RIPOR2: variants seen among roughly 807,000 people sequenced by gnomAD.
The protein encoded by RIPOR2 is RHO family interacting cell polarization regulator 2, also known as rho family-interacting cell polarization regulator 2.
RIPOR2 carries 39 observed loss-of-function variants against 114.5 expected under a neutral mutation model. The observed-to-expected ratio is 0.34, with a 90% confidence interval of 0.26 to 0.44. The LOEUF (loss-of-function observed/expected upper bound fraction) is 0.44. RIPOR2 is among the 20% of genes least tolerant of loss of function. RIPOR2 has a pLI of 1.00. For missense variants in RIPOR2, 1,007 were observed against 1,255.1 expected (o/e 0.80, Z 2.99); for synonymous variants, 445 against 484.4 (o/e 0.92, Z 1.07).
rs34298086 is a variant in RIPOR2 at position 24,843,427 on chromosome 6, G to A, written c.1292C>T (p.Ser431Phe). The stretch of plus-strand genomic sequence containing the variant: ...GGTAATTTCTGGATTTGTTGAGTTG[G>A]AAGGGGAGCCTGTTGAGTGGGAGGT... Reference protein sequence around the residue: ...ALTSHSTGSPSNSTNPEITIT... With the variant: ...ALTSHSTGSPFNSTNPEITIT... Residue 431 changes from serine to phenylalanine, a missense_variant, in exon 13 of 22, where the codon TCC (serine) becomes TTC (phenylalanine). Ser to Phe is a radical substitution (Grantham distance 155). Coordinates refer to ENST00000643898, the MANE Select transcript of RIPOR2 (RefSeq NM_001286445.3). 8 of 1,613,216 alleles carry A rather than the reference G, an allele frequency of 5.0e-6. No individual in the cohort carries two copies. In the African/African-American group the frequency reaches 1.1e-4, roughly 22 times the overall value.
intron 21 of RIPOR2, among the ~76,000 whole-genome samples, chr6:24,808,116 G>A (rs1445694978): frequency 6.6e-6 from 1 of 152,192 alleles, no homozygotes; most frequent in Admixed American, 6.5e-5. Flanking sequence ...TGCAGCCAGT[G>A]TTGAGCACTG....
chr6:24,848,464 G>A (rs576884186), intron 11 of RIPOR2, among the ~76,000 whole-genome samples: 2 of 152,168 alleles, frequency 1.3e-5, no homozygotes, highest in East Asian at 3.9e-4. Flanking sequence ...TGCTTGCTTC[G>A]ACAAAACAAG....
intron 14 of RIPOR2, among the ~76,000 whole-genome samples, chr6:24,837,800 GTT>G (rs745860101): frequency 1.4e-5 from 2 of 146,610 alleles, no homozygotes; most frequent in African/African-American, 2.5e-5. Flanking sequence ...AAGTTCTCAT[GTT>G]TTTTTTTTTC....
chr6:24,892,883 T>A (rs936572517), intron 1 of RIPOR2, among the ~76,000 whole-genome samples: 1 of 152,216 alleles, frequency 6.6e-6, no homozygotes, highest in Non-Finnish European at 1.5e-5. Flanking sequence ...TAATATGTAC[T>A]AGATATTAGA....
intron 1 of RIPOR2, among the ~76,000 whole-genome samples, chr6:24,979,017 G>C (rs751329321): frequency 6.6e-5 from 10 of 152,134 alleles, no homozygotes; most frequent in Non-Finnish European, 8.8e-5. Flanking sequence ...TATTTTTGGA[G>C]AAAGGTTTAA....
At chr6:24,906,798 G>A (rs1290674790) in intron 1 of RIPOR2, among the ~76,000 whole-genome samples, 1 of 152,008 alleles carries the variant, frequency 6.6e-6, no homozygotes, top group Non-Finnish European at 1.5e-5. Context: ...CACCATGTCT[G>A]GCTAATTTTT....
At chr6:24,851,981 G>A (rs1319561301) in intron 9 of RIPOR2, among the ~76,000 whole-genome samples, 2 of 149,966 alleles carry the variant, frequency 1.3e-5, no homozygotes, top group East Asian at 2.0e-4. Context: ...GCTGGATGTG[G>A]TGGCTCACAC....
intron 1 of RIPOR2, among the ~76,000 whole-genome samples, chr6:24,946,017 T>C (rs1480185341): frequency 6.6e-6 from 1 of 152,130 alleles, no homozygotes; most frequent in Non-Finnish European, 1.5e-5. Flanking sequence ...CATTAAGAGA[T>C]ACATTTCTAA....
intron 1 of RIPOR2, among the ~76,000 whole-genome samples, chr6:24,953,549 C>A (rs774257317): frequency 1.3e-5 from 2 of 152,164 alleles, no homozygotes; most frequent in Non-Finnish European, 2.9e-5. Flanking sequence ...GGGGTTCAGG[C>A]CATGCTACTT....
At chr6:24,976,580 C>T (rs1774059470) in intron 1 of RIPOR2, 2 of 1,601,448 alleles carry the variant, frequency 1.2e-6, no homozygotes. Context: ...GTCCCAAAGA[C>T]AGCAGAAAAT....
At position 24,806,055 on chromosome 6, in the gene RIPOR2, T is replaced by A. The variant is rs1780752398; in HGVS notation, c.*318A>T. 1 of 256,366 alleles carries A rather than the reference T, an allele frequency of 3.9e-6. No homozygotes were observed. The highest frequency in any genetic ancestry group is 5.8e-5 in the Admixed American group (1 of 17,272). 15.9% of individuals were successfully genotyped at this position (256,366 alleles called of 1,614,324 possible). A position where few individuals can be genotyped will look rare whatever the true frequency, so the allele number is the denominator to read the frequency against. ...GCCTGAATCTTCTGGGCTCAAGCAA[T>A]CCTCCCACCTTAGCCTCCCAAGTAG... On this transcript the variant is annotated 3_prime_UTR_variant, in exon 22 of 22. Coordinates refer to ENST00000643898, the MANE Select transcript of RIPOR2 (RefSeq NM_001286445.3).
At chr6:24,868,005 CAAT>C (rs1169751011) in intron 6 of RIPOR2, among the ~76,000 whole-genome samples, 20 of 152,218 alleles carry the variant, frequency 1.3e-4, no homozygotes, top group South Asian at 4.1e-4. Context: ...TTGAATTAAA[CAAT>C]AATATGTCAA....
chr6:24,900,508 C>T (rs1396810535), intron 1 of RIPOR2, among the ~76,000 whole-genome samples: 2 of 152,168 alleles, frequency 1.3e-5, no homozygotes, highest in East Asian at 3.9e-4. Flanking sequence ...CCTGTAATCC[C>T]AGCACTTTGG....
At chr6:25,033,074 C>T (rs951877636) in intron 1 of RIPOR2, among the ~76,000 whole-genome samples, 2 of 152,132 alleles carry the variant, frequency 1.3e-5, no homozygotes, top group African/African-American at 2.4e-5. Flanking sequence ...CATGGTGGCA[C>T]ATTCCTGTGG....
chr6:24,863,895 C>T (rs981204450), intron 7 of RIPOR2, among the ~76,000 whole-genome samples: 1 of 152,138 alleles, frequency 6.6e-6, no homozygotes, highest in African/African-American at 2.4e-5. Flanking sequence ...AACTATGTCA[C>T]ATATTTGACT....
At chr6:25,013,698 G>T (rs1775864146) in intron 1 of RIPOR2, among the ~76,000 whole-genome samples, 1 of 152,066 alleles carries the variant, frequency 6.6e-6, no homozygotes, top group Admixed American at 6.6e-5. Flanking sequence ...TTGTGACCTG[G>T]GCCTATAGGG....
At chr6:24,831,740 C>T (rs1265029215) in intron 16 of RIPOR2, among the ~76,000 whole-genome samples, 1 of 152,110 alleles carries the variant, frequency 6.6e-6, no homozygotes, top group Non-Finnish European at 1.5e-5. Context: ...CAAAAGTGCC[C>T]CATAGCCAGA....
intron 6 of RIPOR2, among the ~76,000 whole-genome samples, chr6:24,868,799 G>A (rs1261016397): frequency 6.6e-6 from 1 of 152,164 alleles, no homozygotes; most frequent in Non-Finnish European, 1.5e-5. Flanking sequence ...TAGTTTGATT[G>A]ATAGTTTATC....
At chr6:25,040,081 G>C (rs1444301235) in intron 1 of RIPOR2, among the ~76,000 whole-genome samples, 1 of 151,588 alleles carries the variant, frequency 6.6e-6, no homozygotes. Flanking sequence ...CATATAACTA[G>C]GCATCTAGGC....
Sources: allele counts gnomAD v4.1 joint callset (sites outside exome capture counted in the v4.1 genomes callset), GRCh38; gene constraint gnomAD v4.1.1; transcripts MANE v1.5; gene names NCBI Gene and HGNC (gene_info 2026-07-23, HGNC 2026-07-21).